FHIT: variants seen among roughly 807,000 people sequenced by gnomAD.
FHIT encodes the protein fragile histidine triad diadenosine triphosphatase.
Under a neutral mutation model 17.9 loss-of-function variants are expected in FHIT, and 19 were observed. The ratio of observed to expected loss-of-function variants is 1.06; its 90% CI spans 0.74 to 1.56. The LOEUF is 1.56. Among genes scored for constraint, FHIT ranks in the 40% most tolerant of loss-of-function variants. FHIT has a pLI of 0.00. For synonymous variants in FHIT, 81 were observed against 69.7 expected, an observed-to-expected ratio of 1.16 and a Z score of -0.81; for missense variants, 248 against 189.2, an observed-to-expected ratio of 1.31 and a Z score of -1.82.
chr3:60,922,903 C>G (rs1707358739), intron 3 of FHIT, among the ~76,000 whole-genome samples: 1 of 152,180 alleles, frequency 6.6e-6, no homozygotes, highest in Non-Finnish European at 1.5e-5. Context: ...ATTAGAGATG[C>G]CTTTCAGCAT....
intron 3 of FHIT, among the ~76,000 whole-genome samples, chr3:60,966,732 G>A (rs1709762432): frequency 1.3e-5 from 2 of 152,220 alleles, no homozygotes; most frequent in Admixed American, 1.3e-4. Context: ...TCAATTAAGA[G>A]GCTATTGTAG....
At chr3:59,832,724 C>T (rs145697433) in intron 8 of FHIT, among the ~76,000 whole-genome samples, 63 of 152,176 alleles carry the variant, frequency 4.1e-4, no homozygotes, top group African/African-American at 1.1e-3. Context: ...TTACTGCAGC[C>T]GAGGCTAATA....
At chr3:60,510,412 T>G (rs2034904937) in intron 5 of FHIT, among the ~76,000 whole-genome samples, 1 of 152,238 alleles carries the variant, frequency 6.6e-6, no homozygotes, top group Non-Finnish European at 1.5e-5. Context: ...TAGGACCCCC[T>G]AAGAAGTATT....
chr3:60,033,820 C>T (rs1057300274), intron 5 of FHIT, among the ~76,000 whole-genome samples: 6 of 152,168 alleles, frequency 3.9e-5, no homozygotes, highest in Non-Finnish European at 7.3e-5. Flanking sequence ...CAGTGACCAA[C>T]ACATAGTAAA....
chr3:60,746,400 T>A (rs1024866301), intron 4 of FHIT, among the ~76,000 whole-genome samples: 1 of 152,010 alleles, frequency 6.6e-6, no homozygotes, highest in African/African-American at 2.4e-5. Context: ...AAAGGATGAG[T>A]TTCTGAGGTA....
chr3:60,188,250 A>T (rs1702250523), intron 5 of FHIT, among the ~76,000 whole-genome samples: 1 of 149,452 alleles, frequency 6.7e-6, no homozygotes, highest in African/African-American at 2.4e-5. Flanking sequence ...TTAAAGGCAA[A>T]CAGAATTCAG....
rs372178480 is a variant in FHIT, at chr3:59,986,716, AC to A, written c.279+24654del. On this transcript the variant is annotated intron_variant, in intron 7 of 9. Transcript: ENST00000492590. ...TTTATATATATTTATATAAATATAT[AC>A]ATATATTTATATAAATATATACATA... Among the ~76,000 whole-genome samples, 3 of 30,450 alleles carry A rather than the reference AC, an allele frequency of 9.9e-5. 1 individual carries two copies. Among genetic ancestry groups the A allele is most frequent in the Non-Finnish European group, 4.9e-5 (1 of 20,566 alleles). The allele number at this position is 30,450 out of a possible 152,430, so 20.0% of individuals were successfully genotyped here.
chr3:61,017,489 T>C (rs1462228663), intron 3 of FHIT, among the ~76,000 whole-genome samples: 7 of 152,290 alleles, frequency 4.6e-5, no homozygotes, highest in African/African-American at 1.7e-4. Flanking sequence ...TTGAAAAAAT[T>C]AGGCCTTGTT....
intron 2 of FHIT, among the ~76,000 whole-genome samples, chr3:61,048,679 G>A (rs150116564): frequency 4.0e-4 from 61 of 152,224 alleles, no homozygotes; most frequent in African/African-American, 1.2e-3. Context: ...ACATGCATAC[G>A]TATGTTTATT....
At chr3:60,357,207 T>C (rs549913383) in intron 5 of FHIT, among the ~76,000 whole-genome samples, 1 of 149,170 alleles carries the variant, frequency 6.7e-6, no homozygotes, top group East Asian at 1.9e-4. Context: ...ACTTGTTTTT[T>C]GTTTGTTTGT....
At chr3:60,909,338 C>T (rs1169409562) in intron 3 of FHIT, among the ~76,000 whole-genome samples, 4 of 141,246 alleles carry the variant, frequency 2.8e-5, no homozygotes, top group African/African-American at 1.1e-4. Flanking sequence ...CACTGCACTC[C>T]AGTCTGGGCA....
chr3:60,702,285 T>G (rs1325130917), intron 4 of FHIT, among the ~76,000 whole-genome samples: 8 of 152,196 alleles, frequency 5.3e-5, no homozygotes, highest in Admixed American at 5.2e-4. Context: ...TAACTTTATA[T>G]TACATTTTAA....
At chr3:61,011,030 G>A (rs1422903787) in intron 3 of FHIT, among the ~76,000 whole-genome samples, 1 of 152,060 alleles carries the variant, frequency 6.6e-6, no homozygotes, top group Non-Finnish European at 1.5e-5. Context: ...CTTCACTTAA[G>A]GTAAACTTCG....
chr3:60,441,730 T>TATAAA (rs2030834252), intron 5 of FHIT, among the ~76,000 whole-genome samples: 2 of 88,650 alleles, frequency 2.3e-5, no homozygotes, highest in Non-Finnish European at 4.2e-5. Flanking sequence ...ATATTTGTAT[T>TATAAA]TATATATATA....
At chr3:60,707,049 T>C (rs1232659505) in intron 4 of FHIT, among the ~76,000 whole-genome samples, 1 of 152,206 alleles carries the variant, frequency 6.6e-6, no homozygotes, top group Non-Finnish European at 1.5e-5. Flanking sequence ...GGCTACATTT[T>C]TGACATTTAC....
rs375607457 is a variant in FHIT at position 61,239,228 on chromosome 3, A to T, written c.-213+12073T>A. ...GGGACAGGAGCATTACCCATGGGAA[A>T]AAAATCCAAATTCCATACTTTGACT... On this transcript the variant is annotated intron_variant, in intron 1 of 9. Coordinates refer to ENST00000492590, the MANE Select transcript of FHIT (RefSeq NM_002012.4). Among the ~76,000 whole-genome samples, 8 of 152,336 alleles carry T rather than the reference A, an allele frequency of 5.3e-5. No individual in the cohort carries two copies. In the East Asian group the frequency reaches 1.4e-3, roughly 26 times the overall value.
chr3:59,840,539 C>G (rs1210096827), intron 8 of FHIT, among the ~76,000 whole-genome samples: 1 of 152,176 alleles, frequency 6.6e-6, no homozygotes, highest in Non-Finnish European at 1.5e-5. Flanking sequence ...GAGATTTCTT[C>G]TCCTTCTGAA....
intron 4 of FHIT, among the ~76,000 whole-genome samples, chr3:60,567,611 C>G (rs1025909716): frequency 6.6e-6 from 1 of 152,152 alleles, no homozygotes; most frequent in African/African-American, 2.4e-5. Flanking sequence ...CAAATGGGAT[C>G]TAATTAAACT....
chr3:60,065,783 A>T (rs191337873), intron 5 of FHIT, among the ~76,000 whole-genome samples: 1 of 152,238 alleles, frequency 6.6e-6, no homozygotes, highest in East Asian at 1.9e-4. Context: ...CCCATGGCCA[A>T]CTACTCATTC....
Sources: gnomAD v4.1 joint callset for allele counts (sites outside exome capture counted in the v4.1 genomes callset) on GRCh38, gnomAD v4.1.1 for gene constraint, MANE v1.5 for transcripts, NCBI Gene and HGNC (gene_info 2026-07-23, HGNC 2026-07-21) for gene names.